SPPL3: variants seen among roughly 807,000 people sequenced by gnomAD.
The protein encoded by SPPL3 is signal peptide peptidase like 3.
In SPPL3, 5 loss-of-function variants were observed where a neutral mutation model predicts 42.4. The ratio of observed to expected loss-of-function variants is 0.12; its 90% CI spans 0.06 to 0.25. The LOEUF (loss-of-function observed/expected upper bound fraction) is 0.25, where lower values mean the gene tolerates loss of function less well. Ranked by LOEUF, SPPL3 falls within the 10% of genes least tolerant of loss-of-function variation. SPPL3 has a pLI of 1.00. For missense variants in SPPL3, 235 were observed against 489.0 expected, an observed-to-expected ratio of 0.48 and a Z score of 4.90; for synonymous variants, 195 against 181.8, an observed-to-expected ratio of 1.07 and a Z score of -0.58.
intron 1 of SPPL3, among the ~76,000 whole-genome samples, chr12:120,897,851 C>T (rs1873856923): frequency 6.6e-6 from 1 of 152,120 alleles, no homozygotes; most frequent in Non-Finnish European, 1.5e-5. Flanking sequence ...TACAACAACA[C>T]ACAACAGTAA....
At chr12:120,778,110 A>AGTTTTT in intron 6 of SPPL3, among the ~76,000 whole-genome samples, 1 of 80,538 alleles carries the variant, frequency 1.2e-5, no homozygotes, top group African/African-American at 4.4e-5. Context: ...ACTGAAAAGC[A>AGTTTTT]ATTTTTTTTT....
chr12:120,771,348 G>A (rs934920947), intron 6 of SPPL3, among the ~76,000 whole-genome samples: 4 of 152,126 alleles, frequency 2.6e-5, no homozygotes, highest in South Asian at 2.1e-4. Context: ...CGGCCACGCC[G>A]CCGCTTCAGT....
rs1386449042 is a variant in SPPL3, at chr12:120,763,312, C to T, written c.*1687G>A. On this transcript the variant is annotated 3_prime_UTR_variant, in exon 11 of 11. Coordinates refer to ENST00000353487, the MANE Select transcript of SPPL3 (RefSeq NM_139015.5). The stretch of plus-strand genomic sequence containing the variant: ...ATGACAACAACAGAGGAATCCAACA[C>T]CCTGACTGCTTCAGACTCTGTTGAC... The T allele has an allele frequency of 6.5e-6, 1 of 152,696 alleles. No individual in the cohort carries two copies. The highest frequency in any genetic ancestry group is 1.5e-5 in the Non-Finnish European group (1 of 68,080). 9.5% of individuals were successfully genotyped at this position (152,696 alleles called of 1,614,324 possible).
At chr12:120,827,153 T>C (rs1871251401) in intron 1 of SPPL3, among the ~76,000 whole-genome samples, 1 of 151,734 alleles carries the variant, frequency 6.6e-6, no homozygotes, top group South Asian at 2.1e-4. Context: ...TTTTCCTCTA[T>C]ATAGGGGGGC....
intron 2 of SPPL3, among the ~76,000 whole-genome samples, chr12:120,803,206 T>C (rs1285291255): frequency 6.6e-6 from 1 of 152,176 alleles, no homozygotes; most frequent in Non-Finnish European, 1.5e-5. Flanking sequence ...GTAACAGGAG[T>C]GCTGGCATTA....
At chr12:120,897,411 G>T (rs1214456723) in intron 1 of SPPL3, among the ~76,000 whole-genome samples, 2 of 152,172 alleles carry the variant, frequency 1.3e-5, no homozygotes, top group Non-Finnish European at 1.5e-5. Flanking sequence ...TTTAACTATA[G>T]GCAAAATATG....
chr12:120,769,036 C>G lies in SPPL3; in HGVS notation c.526G>C (p.Ala176Pro). ...GGCAGGCGGACAAAGGCGATCATGG[C>G]GACACAGAGGCCCATGGCCAGTGCT... The part of the protein sequence containing the change: ...MDALAMGLCV[A>P]MIAFVRLPSL... The change falls in exon 7 of 11, where the codon GCC (alanine) becomes CCC (proline). Residue 176 changes from alanine (A) to proline (P), a missense_variant. By Grantham distance (27) the Ala-to-Pro change is conservative. Around this residue, in one of 6 missense-constraint regions of SPPL3, gnomAD observed 18 missense variants for 86.9 expected, o/e 0.21. Transcript: ENST00000353487. 6.2e-7 allele frequency: 1 copy of G among 1,606,248 alleles called. No individual in the cohort carries two copies. Among genetic ancestry groups the G allele is most frequent in the Non-Finnish European group, 8.5e-7 (1 of 1,177,312 alleles).
chr12:120,825,760 ATCAG>A (rs1871214257), intron 1 of SPPL3, among the ~76,000 whole-genome samples: 1 of 152,220 alleles, frequency 6.6e-6, no homozygotes, highest in Non-Finnish European at 1.5e-5. Flanking sequence ...TTTTTGGAAA[ATCAG>A]TCAGGCAGAA....
At chr12:120,833,974 AGCAT>A (rs1277634294) in intron 1 of SPPL3, among the ~76,000 whole-genome samples, 1 of 152,188 alleles carries the variant, frequency 6.6e-6, no homozygotes, top group African/African-American at 2.4e-5. Flanking sequence ...TTTGAGAATA[AGCAT>A]GCATACAGGG....
chr12:120,881,800 C>A (rs200192701), intron 1 of SPPL3, among the ~76,000 whole-genome samples: 11 of 144,374 alleles, frequency 7.6e-5, no homozygotes, highest in Non-Finnish European at 6.1e-5. Context: ...AAGCCAATAA[C>A]AAAAAAAAAA....
At chr12:120,852,739 A>AT (rs1411277536) in intron 1 of SPPL3, among the ~76,000 whole-genome samples, 362 of 24,206 alleles carry the variant, frequency 0.015, 51 homozygotes, top group African/African-American at 0.022. Flanking sequence ...ATATACATAT[A>AT]ATATATTTCA....
chr12:120,836,624 T>A (rs183242256), intron 1 of SPPL3, among the ~76,000 whole-genome samples: 4 of 152,082 alleles, frequency 2.6e-5, no homozygotes, highest in Non-Finnish European at 5.9e-5. Flanking sequence ...GACAAAACTT[T>A]AAAATGGCAA....
At chr12:120,883,026 C>A (rs934082197) in intron 1 of SPPL3, among the ~76,000 whole-genome samples, 12 of 152,008 alleles carry the variant, frequency 7.9e-5, no homozygotes, top group African/African-American at 2.7e-4. Flanking sequence ...TTCTAGAGGC[C>A]GGGCGTGGTG....
intron 2 of SPPL3, among the ~76,000 whole-genome samples, chr12:120,803,444 CCTG>C (rs1353164888): frequency 6.6e-6 from 1 of 151,968 alleles, no homozygotes; most frequent in Non-Finnish European, 1.5e-5. Context: ...CATTCTGATA[CCTG>C]AGGACACTGT....
At chr12:120,817,745 C>T (rs140011946) in intron 1 of SPPL3, among the ~76,000 whole-genome samples, 20 of 152,308 alleles carry the variant, frequency 1.3e-4, no homozygotes, top group African/African-American at 4.8e-4. Context: ...ACTCTACAAG[C>T]TCATAAAAAT....
At chr12:120,828,490 GA>G (rs1193396041) in intron 1 of SPPL3, among the ~76,000 whole-genome samples, 1 of 152,132 alleles carries the variant, frequency 6.6e-6, no homozygotes, top group African/African-American at 2.4e-5. Flanking sequence ...CAATGAGACT[GA>G]AAACTACAAA....
At chr12:120,802,631 A>G (rs592215) in intron 2 of SPPL3, among the ~76,000 whole-genome samples, 149,141 of 151,480 alleles carry the variant, frequency 0.98, 73,423 homozygotes, top group East Asian at 1. Context: ...ATGGAGTTTC[A>G]CCATGTTGGC....
chr12:120,767,970 CAAGATT>C (rs1230897705), intron 8 of SPPL3, among the ~76,000 whole-genome samples: 1 of 152,196 alleles, frequency 6.6e-6, no homozygotes, highest in East Asian at 1.9e-4. Flanking sequence ...TTCATTCTGC[CAAGATT>C]ATATTACCAG....
At chr12:120,771,159 A>C (rs1566037094) in intron 6 of SPPL3, among the ~76,000 whole-genome samples, 1 of 152,180 alleles carries the variant, frequency 6.6e-6, no homozygotes, top group African/African-American at 2.4e-5. Context: ...TTAAACCCTA[A>C]GGCAGGTTTT....
Sources: gnomAD v4.1 joint callset for allele counts (sites outside exome capture counted in the v4.1 genomes callset) on GRCh38, gnomAD v4.1.1 for gene constraint, gnomAD v4.1.1 regional missense constraint, MANE v1.5 for transcripts, NCBI Gene and HGNC (gene_info 2026-07-23, HGNC 2026-07-21) for gene names.